CACNB2: variants seen among roughly 807,000 people sequenced by gnomAD.
The protein encoded by CACNB2 is voltage-dependent L-type calcium channel subunit beta-2.
In CACNB2, 42 loss-of-function variants were observed where a neutral mutation model predicts 73.3. The ratio of observed to expected loss-of-function variants is 0.57; its 90% CI spans 0.45 to 0.74. The LOEUF (loss-of-function observed/expected upper bound fraction) is 0.74, where lower values mean the gene tolerates loss of function less well. Among genes scored for constraint, CACNB2 ranks in the 30% least tolerant of loss-of-function variants. The probability of loss-of-function intolerance (pLI) is 0.00; values close to 1 mark genes in which losing one functional copy is unlikely to be tolerated. For missense variants in CACNB2, 940 were observed against 853.0 expected (o/e 1.10, Z -1.27); for synonymous variants, 348 against 310.3 (o/e 1.12, Z -1.28).
At chr10:18,511,579 A>G (rs1436366276) in intron 6 of CACNB2, among the ~76,000 whole-genome samples, 1 of 152,200 alleles carries the variant, frequency 6.6e-6, no homozygotes, top group Non-Finnish European at 1.5e-5. Flanking sequence ...CCTTCCTTCA[A>G]TCTAAATGTA....
intron 3 of CACNB2, among the ~76,000 whole-genome samples, chr10:18,421,432 G>A (rs1402554739): frequency 6.6e-6 from 1 of 151,638 alleles, no homozygotes; most frequent in African/African-American, 2.4e-5. Flanking sequence ...GGAGTAGCTG[G>A]GATTACAGGA....
Position 18,542,696 on chromosome 10 carries a change from C to A in CACNB2, c.*2972C>A, listed in dbSNP as rs2054116557. 1.3e-5 allele frequency: 2 copies of A among 152,048 alleles called. No homozygotes were observed. Among genetic ancestry groups the A allele is most frequent in the African/African-American group, 4.8e-5 (2 of 41,414 alleles). 9.4% of individuals were successfully genotyped at this position (152,048 alleles called of 1,614,324 possible). ...TATATGTGAAAAACTGTATAGTGGA[C>A]ATATGTGTAAACTGTGTAGTAAATC... On this transcript the variant is annotated 3_prime_UTR_variant, in exon 14 of 14. Coordinates refer to ENST00000324631, the MANE Select transcript of CACNB2 (RefSeq NM_201596.3).
chr10:18,408,391 A>G lies in CACNB2; in HGVS notation c.333+6348A>G, dbSNP rs373560467. 5.9e-5 allele frequency among the ~76,000 whole-genome samples: 9 copies of G among 151,868 alleles called. No homozygotes were observed. In the East Asian group the frequency reaches 9.7e-4, roughly 16 times the overall value. ...GTAGCTGGGACTACAGGTGTGCACCACTGCGCCCAGCTGATTTTTGTATTT... is the reference window on the plus strand; with the variant it reads ...GTAGCTGGGACTACAGGTGTGCACCGCTGCGCCCAGCTGATTTTTGTATTT... On this transcript the variant is annotated intron_variant, in intron 3 of 13. Transcript: ENST00000324631.
At position 18,539,312 on chromosome 10, in the gene CACNB2, C is replaced by G. The variant is rs1238888276; in HGVS notation, c.1571C>G (p.Pro524Arg). The G allele has an allele frequency of 1.2e-6, 2 of 1,613,996 alleles. No individual in the cohort carries two copies. The highest frequency in any genetic ancestry group is 1.7e-6 in the Non-Finnish European group (2 of 1,179,976). Residue 524 changes from proline (P) to arginine (R), a missense_variant, in exon 14 of 14, where the codon CCA becomes CGA. Physicochemically the swap from Pro to Arg is moderately radical, Grantham distance 103 (BLOSUM62 -2). Transcript: ENST00000324631. The stretch of plus-strand genomic sequence containing the variant: ...GCTGAAGAAGAACCTAGTGTGGAAC[C>G]AGTCAAGAAATCCCAGCACCGCTCT... The part of the protein sequence containing the change: ...SQAEEEPSVE[P>R]VKKSQHRSSS...
At chr10:18,429,980 AAAAAC>A (rs1352692254) in intron 3 of CACNB2, among the ~76,000 whole-genome samples, 1 of 152,086 alleles carries the variant, frequency 6.6e-6, no homozygotes, top group African/African-American at 2.4e-5. Flanking sequence ...CCCTGTCTCA[AAAAAC>A]AAAACAAAAA....
At chr10:18,438,318 C>T (rs1339631300) in intron 3 of CACNB2, among the ~76,000 whole-genome samples, 1 of 151,802 alleles carries the variant, frequency 6.6e-6, no homozygotes, top group African/African-American at 2.4e-5. Context: ...CGTGAGCCAC[C>T]GCGCCCTGCC....
At chr10:18,425,728 A>C (rs1287167691) in intron 3 of CACNB2, among the ~76,000 whole-genome samples, 1 of 152,192 alleles carries the variant, frequency 6.6e-6, no homozygotes, top group Non-Finnish European at 1.5e-5. Context: ...CTCATAAAGA[A>C]TTCTTCTATC....
rs1405788704 is a variant in CACNB2, at chr10:18,542,277, C to G, written c.*2553C>G. 1 of 152,168 alleles carries G rather than the reference C, an allele frequency of 6.6e-6. No individual in the cohort carries two copies. The highest frequency in any genetic ancestry group is 1.5e-5 in the Non-Finnish European group (1 of 68,030). The allele number at this position is 152,168 out of a possible 1,614,324, so 9.4% of individuals were successfully genotyped here. ...CCTCAGTTCGTTAATTAGCCCTACA[C>G]TGTTTACATAAATTTATTTACTGAG... On this transcript the variant is annotated 3_prime_UTR_variant, in exon 14 of 14. Transcript: ENST00000324631.
intron 3 of CACNB2, among the ~76,000 whole-genome samples, chr10:18,485,941 A>G (rs941646101): frequency 8.6e-5 from 13 of 151,478 alleles, no homozygotes; most frequent in Middle Eastern, 3.4e-3. Context: ...CATTTCTCTA[A>G]AAAGAGCAAA....
At chr10:18,379,822 G>T (rs543585828) in intron 2 of CACNB2, among the ~76,000 whole-genome samples, 37 of 152,182 alleles carry the variant, frequency 2.4e-4, no homozygotes, top group Admixed American at 4.6e-4. Flanking sequence ...AAGTGGCTGG[G>T]ACTATAGGCA....
intron 2 of CACNB2, among the ~76,000 whole-genome samples, chr10:18,348,691 T>C (rs1301204487): frequency 6.6e-6 from 1 of 152,114 alleles, no homozygotes; most frequent in African/African-American, 2.4e-5. Flanking sequence ...TTAGTAGAGA[T>C]GGTGTTTCAC....
At chr10:18,315,057 C>T (rs539432710) in intron 2 of CACNB2, among the ~76,000 whole-genome samples, 17 of 152,200 alleles carry the variant, frequency 1.1e-4, no homozygotes, top group African/African-American at 3.1e-4. Context: ...TGGGACCAGG[C>T]GCCATGGCTC....
At chr10:18,518,536 G>A in intron 8 of CACNB2, 120 bp downstream of exon 8, 1 of 781,386 alleles carries the variant, frequency 1.3e-6, no homozygotes, top group Non-Finnish European at 2.3e-6. Flanking sequence ...TTAGAGCTTA[G>A]AGAGCTCACA....
In CACNB2 at chr10:18,453,046, T is replaced by A. The variant is rs541947379; in HGVS notation, c.334-45309T>A. On this transcript the variant is annotated intron_variant, in intron 3 of 13. Transcript: ENST00000324631. ...TCGATTCCTCTCTGTTTCTCTCCCC[T>A]GCTCAGATGATCTGTACTGATCCAC... Among the ~76,000 whole-genome samples the A allele has an allele frequency of 4.3e-4, 65 of 152,336 alleles. 1 individual carries two copies. The South Asian group carries it at 0.013, about 31-fold the overall frequency.
intron 3 of CACNB2, among the ~76,000 whole-genome samples, chr10:18,480,705 C>G (rs1007794803): frequency 6.6e-6 from 1 of 152,170 alleles, no homozygotes; most frequent in Non-Finnish European, 1.5e-5. Flanking sequence ...CATTTTGTCT[C>G]TAACTGCTTA....
chr10:18,212,500 C>A (rs1410511421), intron 2 of CACNB2, among the ~76,000 whole-genome samples: 1 of 152,058 alleles, frequency 6.6e-6, no homozygotes, highest in Non-Finnish European at 1.5e-5. Context: ...AATATGAGTA[C>A]CAAGTTGTGA....
At chr10:18,527,737 T>TCTCCCGATGTTGATGATGAGAAGACCTAA (rs759588927) in intron 10 of CACNB2, 40 bp downstream of exon 10, 3 of 1,233,294 alleles carry the variant, frequency 2.4e-6, no homozygotes, top group Middle Eastern at 1.9e-4. Context: ...TAAACTCTCC[T>TCTCCCGATGTTGATGATGAGAAGACCTAA]CTCCCGATGT....
intron 9 of CACNB2, among the ~76,000 whole-genome samples, chr10:18,524,977 CTA>C (rs1254281270): frequency 5.0e-5 from 7 of 139,930 alleles, no homozygotes; most frequent in Admixed American, 1.5e-4. Context: ...CTGCAGTGAG[CTA>C]TGATTACTAC....
At chr10:18,245,235 G>A (rs916561631) in intron 2 of CACNB2, among the ~76,000 whole-genome samples, 2 of 152,306 alleles carry the variant, frequency 1.3e-5, no homozygotes, top group African/African-American at 4.8e-5. Flanking sequence ...GTGTAGAAAT[G>A]TCTTCTATGT....
Sources: allele counts gnomAD v4.1 joint callset (sites outside exome capture counted in the v4.1 genomes callset), GRCh38; gene constraint gnomAD v4.1.1; transcripts MANE v1.5; gene names NCBI Gene and HGNC (gene_info 2026-07-23, HGNC 2026-07-21).